The following MAPK4 variants were observed in gnomAD, a reference collection of about 807,000 sequenced individuals.
The protein encoded by MAPK4 is mitogen-activated protein kinase 4.
A neutral mutation model predicts 47.7 loss-of-function variants in MAPK4; 22 were observed. The ratio of observed to expected loss-of-function variants is 0.46; its 90% CI spans 0.33 to 0.66. MAPK4 has a LOEUF of 0.66. Ranked by LOEUF, MAPK4 falls within the 30% of genes least tolerant of loss-of-function variation. The probability of loss-of-function intolerance (pLI) is 0.02; values close to 1 mark genes in which losing one functional copy is unlikely to be tolerated. For synonymous variants in MAPK4, 390 were observed against 365.7 expected, an observed-to-expected ratio of 1.07 and a Z score of -0.76; for missense variants, 736 against 831.7, an observed-to-expected ratio of 0.88 and a Z score of 1.42.
At chr18:50,589,583 G>A (rs376577932) in intron 1 of MAPK4, among the ~76,000 whole-genome samples, 3,919 of 139,148 alleles carry the variant, frequency 0.028, 166 homozygotes, top group African/African-American at 0.097. Context: ...GCGACAGAGC[G>A]AGACTCCGTC....
At chr18:50,705,042 C>T (rs1018934579) in intron 2 of MAPK4, 9 of 349,682 alleles carry the variant, frequency 2.6e-5, no homozygotes, top group Admixed American at 9.5e-5. Context: ...CTGAGGGGTC[C>T]GGCTTCCACA....
At chr18:50,570,912 T>C (rs1384417775) in intron 1 of MAPK4, among the ~76,000 whole-genome samples, 3 of 152,152 alleles carry the variant, frequency 2.0e-5, no homozygotes, top group Non-Finnish European at 4.4e-5. Flanking sequence ...AGAGCCTCCA[T>C]TGGTTTTTGG....
At chr18:50,640,807 AACAC>A (rs139939686) in intron 1 of MAPK4, among the ~76,000 whole-genome samples, 2 of 151,256 alleles carry the variant, frequency 1.3e-5, no homozygotes, top group East Asian at 1.9e-4. Context: ...TGTTGGCTTA[AACAC>A]ACACACACAC....
intron 1 of MAPK4, among the ~76,000 whole-genome samples, chr18:50,627,835 A>G (rs9960277): frequency 0.44 from 66,249 of 151,944 alleles, 14,643 homozygotes; most frequent in Middle Eastern, 0.55. Context: ...GAGCCTCTCC[A>G]AATTTCCTCA....
At chr18:50,720,949 G>A (rs1428665359) in intron 3 of MAPK4, among the ~76,000 whole-genome samples, 2 of 152,234 alleles carry the variant, frequency 1.3e-5, no homozygotes, top group African/African-American at 4.8e-5. Context: ...TGGAAGACTG[G>A]AATCCCATGG....
chr18:50,635,801 A>C (rs1039118247), intron 1 of MAPK4, among the ~76,000 whole-genome samples: 54 of 152,242 alleles, frequency 3.5e-4, no homozygotes, highest in African/African-American at 1.3e-3. Flanking sequence ...CTAGTTCATA[A>C]GGTCCCTATG....
chr18:50,700,083 C>T (rs1377757454), intron 2 of MAPK4, among the ~76,000 whole-genome samples: 1 of 152,142 alleles, frequency 6.6e-6, no homozygotes, highest in African/African-American at 2.4e-5. Flanking sequence ...CAACCTCCAG[C>T]CCCTCTCCAC....
intron 1 of MAPK4, among the ~76,000 whole-genome samples, chr18:50,635,110 TC>T (rs1410291933): frequency 6.6e-6 from 1 of 152,198 alleles, no homozygotes; most frequent in Non-Finnish European, 1.5e-5. Flanking sequence ...TCATTATATC[TC>T]CAGGGCTTCC....
intron 2 of MAPK4, among the ~76,000 whole-genome samples, chr18:50,710,014 G>A (rs1204207182): frequency 1.3e-5 from 2 of 152,132 alleles, no homozygotes; most frequent in Non-Finnish European, 2.9e-5. Context: ...GAAACTTCTG[G>A]TTGGGAAGGC....
chr18:50,560,357 C>G (rs892198998), intron 1 of MAPK4, 114 bp downstream of exon 1: 2 of 152,168 alleles, frequency 1.3e-5, no homozygotes, highest in African/African-American at 4.8e-5. Context: ...ACTGCCTCCC[C>G]ACCTTACCCT....
At chr18:50,638,761 C>G (rs1484102871) in intron 1 of MAPK4, among the ~76,000 whole-genome samples, 3 of 152,190 alleles carry the variant, frequency 2.0e-5, no homozygotes, top group African/African-American at 7.2e-5. Context: ...GCATCCTAAT[C>G]CTATTAGCAG....
intron 1 of MAPK4, among the ~76,000 whole-genome samples, chr18:50,639,783 T>G (rs1334348685): frequency 6.6e-6 from 1 of 152,218 alleles, no homozygotes; most frequent in Non-Finnish European, 1.5e-5. Flanking sequence ...TTGTTGGACA[T>G]TGGGATGATT....
rs573057672 is a variant in MAPK4, at chr18:50,598,171, T to G, written c.-871+37928T>G. The stretch of plus-strand genomic sequence containing the variant: ...TGTTAGACCTTAAAACTTGATCTTC[T>G]GAATGGAGTCAGCTGGGTTTAATAT... On this transcript the variant is annotated intron_variant, in intron 1 of 5. Coordinates refer to ENST00000400384, the MANE Select transcript of MAPK4 (RefSeq NM_002747.4). 5.9e-5 allele frequency among the ~76,000 whole-genome samples: 9 copies of G among 152,348 alleles called. No individual in the cohort carries two copies. In the South Asian group the frequency reaches 1.9e-3, roughly 32 times the overall value.
intron 1 of MAPK4, among the ~76,000 whole-genome samples, chr18:50,657,666 A>C (rs1014353277): frequency 1.3e-5 from 2 of 151,658 alleles, no homozygotes; most frequent in African/African-American, 4.8e-5. Context: ...GACAGGTGAC[A>C]GTTGTCAGTG....
At chr18:50,706,328 C>G (rs749267245) in intron 2 of MAPK4, among the ~76,000 whole-genome samples, 20 of 152,200 alleles carry the variant, frequency 1.3e-4, no homozygotes, top group South Asian at 2.1e-4. Context: ...GATGCTGGTT[C>G]TCAAATACAG....
At position 50,568,157 on chromosome 18, in the gene MAPK4, C is replaced by T. The variant is rs577749219; in HGVS notation, c.-871+7914C>T. Among the ~76,000 whole-genome samples, 420 of 149,926 alleles carry T rather than the reference C, an allele frequency of 2.8e-3. 1 individual carries two copies. The highest frequency in any genetic ancestry group is 5.1e-3 in the Non-Finnish European group (343 of 67,672). On this transcript the variant is annotated intron_variant, in intron 1 of 5. Coordinates refer to ENST00000400384, the MANE Select transcript of MAPK4 (RefSeq NM_002747.4). ...CTTGCAGTGAGCCGAGATCGGGCCA[C>T]TGCACTCCAGCCTGGGTGACAGAGC...
intron 1 of MAPK4, among the ~76,000 whole-genome samples, chr18:50,569,182 A>G (rs1474990665): frequency 6.6e-6 from 1 of 152,222 alleles, no homozygotes; most frequent in Admixed American, 6.5e-5. Flanking sequence ...TAAGAATACC[A>G]TGTGTCATTC....
intron 1 of MAPK4, among the ~76,000 whole-genome samples, chr18:50,645,346 T>G (rs1055751460): frequency 4.6e-5 from 7 of 152,046 alleles, no homozygotes; most frequent in Non-Finnish European, 1.0e-4. Flanking sequence ...AGATAAGAGG[T>G]GAACGCCAAC....
At chr18:50,687,516 C>T (rs115511632) in intron 2 of MAPK4, among the ~76,000 whole-genome samples, 1,539 of 152,338 alleles carry the variant, frequency 0.01, 27 homozygotes, top group African/African-American at 0.035. Flanking sequence ...TTGTGGAACA[C>T]TGTAAAGCTC....
Sources: gnomAD v4.1 joint callset for allele counts (sites outside exome capture counted in the v4.1 genomes callset) on GRCh38, gnomAD v4.1.1 for gene constraint, MANE v1.5 for transcripts, NCBI Gene and HGNC (gene_info 2026-07-23, HGNC 2026-07-21) for gene names.